The following ROBO2 variants were observed in gnomAD, a reference collection of about 807,000 sequenced individuals.
The protein encoded by ROBO2 is roundabout homolog 2.
ROBO2 carries 53 observed loss-of-function variants against 160.8 expected under a neutral mutation model. The observed-to-expected ratio is 0.33, with a 90% CI of 0.26 to 0.41. The LOEUF (loss-of-function observed/expected upper bound fraction) is 0.41, where lower values mean the gene tolerates loss of function less well. ROBO2 is among the 10% of genes least tolerant of loss of function. The pLI is 1.00. For missense variants in ROBO2, 1,577 were observed against 1,722.4 expected, an observed-to-expected ratio of 0.92 and a Z score of 1.49; for synonymous variants, 664 against 611.7, an observed-to-expected ratio of 1.09 and a Z score of -1.26.
intron 2 of ROBO2, among the ~76,000 whole-genome samples, chr3:76,201,935 G>A (rs1702554349): frequency 6.9e-6 from 1 of 144,228 alleles, no homozygotes. Flanking sequence ...ACCCTGAATT[G>A]TATTCTTCAA....
At chr3:77,083,075 A>G (rs2068851029) in intron 1 of ROBO2, among the ~76,000 whole-genome samples, 1 of 152,094 alleles carries the variant, frequency 6.6e-6, no homozygotes, top group South Asian at 2.1e-4. Flanking sequence ...AGAACTCTGC[A>G]TCTCATTTCT....
intron 22 of ROBO2, 54 bp from the exon 24 acceptor site, chr3:77,622,173 T>C: frequency 6.7e-7 from 1 of 1,493,656 alleles, no homozygotes; most frequent in Non-Finnish European, 9.3e-7. Flanking sequence ...AAATTATGAT[T>C]TTGTTGCATG....
intron 2 of ROBO2, among the ~76,000 whole-genome samples, chr3:76,536,246 T>C (rs2082495435): frequency 6.6e-6 from 1 of 152,190 alleles, no homozygotes; most frequent in Admixed American, 6.5e-5. Context: ...CAGAAATACA[T>C]TGCCACTTGG....
intron 2 of ROBO2, among the ~76,000 whole-genome samples, chr3:76,641,566 C>G (rs957622397): frequency 2.0e-5 from 3 of 151,764 alleles, no homozygotes; most frequent in African/African-American, 4.8e-5. Context: ...AGAACAGAAG[C>G]AATATATGAT....
At chr3:76,238,921 A>C (rs1705123870) in intron 2 of ROBO2, among the ~76,000 whole-genome samples, 1 of 152,198 alleles carries the variant, frequency 6.6e-6, no homozygotes, top group South Asian at 2.1e-4. Context: ...GAGTGAAAAA[A>C]TAAAGGCAGA....
chr3:77,139,039 C>A (rs549892483), intron 2 of ROBO2, among the ~76,000 whole-genome samples: 30 of 151,970 alleles, frequency 2.0e-4, no homozygotes, highest in Non-Finnish European at 4.1e-4. Flanking sequence ...TAATTATATT[C>A]TATTAAAGGT....
intron 2 of ROBO2, among the ~76,000 whole-genome samples, chr3:76,398,384 G>C (rs1284877762): frequency 1.3e-5 from 2 of 151,618 alleles, no homozygotes; most frequent in Non-Finnish European, 2.9e-5. Context: ...TAAATGACAA[G>C]TTAATGGGTG....
exon 11 of ROBO2, chr3:77,563,225 C>G (rs755025135): frequency 1.2e-6 from 2 of 1,613,404 alleles, no homozygotes; most frequent in African/African-American, 1.3e-5. Flanking sequence ...GGCCACCATC[C>G]AAACCGCAGG....
intron 17 of ROBO2, 128 bp from the exon 19 acceptor site, chr3:77,595,014 T>C (rs2094266985): frequency 1.4e-6 from 1 of 715,842 alleles, no homozygotes; most frequent in Non-Finnish European, 2.5e-6. Flanking sequence ...ACAATGATGT[T>C]AATTATATTT....
intron 2 of ROBO2, among the ~76,000 whole-genome samples, chr3:77,419,704 G>C (rs2077547292): frequency 6.6e-6 from 1 of 152,064 alleles, no homozygotes; most frequent in African/African-American, 2.4e-5. Context: ...TGCATTTGAG[G>C]ATTGAAAGCT....
intron 2 of ROBO2, among the ~76,000 whole-genome samples, chr3:76,640,348 C>G (rs371203694): frequency 6.6e-6 from 1 of 151,950 alleles, no homozygotes; most frequent in South Asian, 2.1e-4. Flanking sequence ...CTGACCCACA[C>G]GGTGAAACCT....
chr3:76,834,062 T>TTTCCTTCCTTTC (rs368797764), intron 2 of ROBO2, among the ~76,000 whole-genome samples: 2 of 88,012 alleles, frequency 2.3e-5, no homozygotes, highest in African/African-American at 9.1e-5. Flanking sequence ...CCTTTCTTTC[T>TTTCCTTCCTTTC]TTTCTTTCTT....
At chr3:77,601,467 A>G (rs553516605) in intron 19 of ROBO2, among the ~76,000 whole-genome samples, 1 of 152,340 alleles carries the variant, frequency 6.6e-6, no homozygotes, top group East Asian at 1.9e-4. Context: ...AAAATGAAAA[A>G]TGGACTGATT....
chr3:76,821,376 A>T, intron 2 of ROBO2, among the ~76,000 whole-genome samples: 1 of 152,030 alleles, frequency 6.6e-6, no homozygotes, highest in East Asian at 1.9e-4. Flanking sequence ...TTAGCATTTC[A>T]AAGAGGTCAA....
chr3:76,588,042 G>A (rs1332436350), intron 2 of ROBO2, among the ~76,000 whole-genome samples: 1 of 152,152 alleles, frequency 6.6e-6, no homozygotes, highest in Non-Finnish European at 1.5e-5. Context: ...TAAAATTAAT[G>A]GGGTGTGTGT....
chr3:77,295,353 T>G (rs2061941366), intron 2 of ROBO2, among the ~76,000 whole-genome samples: 1 of 148,004 alleles, frequency 6.8e-6, no homozygotes, highest in Non-Finnish European at 1.5e-5. Flanking sequence ...AGACATAAAG[T>G]AAAATTGATG....
At position 77,010,896 on chromosome 3, in the gene ROBO2, C is replaced by G. The variant is rs369370234; in HGVS notation, c.110-87118C>G. Among the ~76,000 whole-genome samples the G allele has an allele frequency of 3.1e-4, 39 of 126,502 alleles. No individual in the cohort carries two copies. In the East Asian group the frequency reaches 8.3e-3, roughly 27 times the overall value. The allele number at this position is 126,502 out of a possible 152,430, so 83.0% of individuals were successfully genotyped here. A position where few individuals can be genotyped will look rare whatever the true frequency, so the allele number is the denominator to read the frequency against. On this transcript the variant is annotated intron_variant, in intron 2 of 26. Coordinates refer to the ROBO2 transcript ENST00000487694. ...TTCCTTCCTCCCTCCCTCCCTCTTT[C>G]TTCTCCTTCCTTTCTTCCTTCCTTC... is the stretch of plus-strand genomic sequence containing the variant.
chr3:76,425,669 T>G (rs2076193804), intron 2 of ROBO2, among the ~76,000 whole-genome samples: 1 of 152,086 alleles, frequency 6.6e-6, no homozygotes, highest in African/African-American at 2.4e-5. Context: ...CTGTTTACGT[T>G]TCTGACTTTC....
rs187038317 is a variant in ROBO2 at position 77,436,170 on chromosome 3, G to C, written c.389-41244G>C. 2.0e-5 allele frequency among the ~76,000 whole-genome samples: 3 copies of C among 151,446 alleles called. No homozygotes were observed. In the East Asian group the frequency reaches 5.9e-4, roughly 30 times the overall value. ...TTCCTGCAGTTTTTTTTACATTTCA[G>C]ATTTTGAAAATCAGATATATTGGGC... is the stretch of plus-strand genomic sequence containing the variant. On this transcript the variant is annotated intron_variant, in intron 2 of 25. Coordinates refer to ENST00000461745, the Ensembl canonical transcript of ROBO2.
Sources: allele counts gnomAD v4.1 joint callset (sites outside exome capture counted in the v4.1 genomes callset), GRCh38; gene constraint gnomAD v4.1.1; transcripts MANE v1.5; gene names NCBI Gene and HGNC (gene_info 2026-07-23, HGNC 2026-07-21).